The following MCTP1 variants were observed in gnomAD, a reference collection of about 807,000 sequenced individuals.
MCTP1 encodes multiple C2 and transmembrane domain containing 1.
MCTP1 carries 69 observed loss-of-function variants against 120.6 expected under a neutral mutation model. That is an observed-to-expected ratio of 0.57 (90% CI 0.47 to 0.70). The LOEUF is 0.70. Among genes scored for constraint, MCTP1 ranks in the 30% least tolerant of loss-of-function variants. The pLI is 0.00. For missense variants in MCTP1, 1,203 were observed against 1,248.8 expected, an observed-to-expected ratio of 0.96 and a Z score of 0.55; for synonymous variants, 529 against 493.1, an observed-to-expected ratio of 1.07 and a Z score of -0.96.
chr5:95,011,109 C>A (rs968904566), intron 2 of MCTP1, among the ~76,000 whole-genome samples: 1 of 152,114 alleles, frequency 6.6e-6, no homozygotes, highest in African/African-American at 2.4e-5. Flanking sequence ...CTCCATGTTT[C>A]CCCATTGTGA....
chr5:94,970,304 T>C (rs768041806), intron 2 of MCTP1, among the ~76,000 whole-genome samples: 1 of 152,022 alleles, frequency 6.6e-6, no homozygotes, highest in Non-Finnish European at 1.5e-5. Context: ...TGTATGGATG[T>C]ATTTGGGATA....
intron 10 of MCTP1, among the ~76,000 whole-genome samples, chr5:94,902,135 A>G (rs1453877200): frequency 2.0e-5 from 3 of 152,196 alleles, no homozygotes; most frequent in Non-Finnish European, 2.9e-5. Flanking sequence ...ACTAATCCTC[A>G]CAAAATGGAC....
intron 1 of MCTP1, among the ~76,000 whole-genome samples, chr5:95,042,220 C>G (rs1432165566): frequency 6.6e-6 from 1 of 152,032 alleles, no homozygotes; most frequent in Non-Finnish European, 1.5e-5. Flanking sequence ...ATTTATACAA[C>G]CAAAGCAAAT....
At chr5:95,234,601 C>T (rs769317265) in intron 1 of MCTP1, among the ~76,000 whole-genome samples, 1 of 152,100 alleles carries the variant, frequency 6.6e-6, no homozygotes, top group Non-Finnish European at 1.5e-5. Context: ...CTCCTGAAAC[C>T]TCATGTCTAC....
rs1323914628 is a variant in MCTP1 at position 94,954,159 on chromosome 5, CATATATATACATAT to C, written c.839-812_839-799del. Reference sequence around the variant, plus strand: ...ATGCATATATATACATATATATATGCATATATATACATATATATATATGCATATATATATATATA... The same window carrying C: ...ATGCATATATATACATATATATATGCATATATATGCATATATATATATATA... On this transcript the variant is annotated intron_variant, in intron 2 of 22. Transcript: ENST00000515393. 1.0e-3 allele frequency among the ~76,000 whole-genome samples: 81 copies of C among 78,288 alleles called. 10 individuals are homozygous for C. Among genetic ancestry groups the C allele is most frequent in the Non-Finnish European group, 1.7e-3 (69 of 41,060 alleles). 51.4% of individuals were successfully genotyped at this position (78,288 alleles called of 152,430 possible).
chr5:95,190,440 C>A (rs1362350790), intron 1 of MCTP1, among the ~76,000 whole-genome samples: 1 of 152,048 alleles, frequency 6.6e-6, no homozygotes, highest in East Asian at 1.9e-4. Context: ...AAACAATGCA[C>A]CACTATCTTT....
chr5:94,792,006 A>C (rs1156997507), intron 18 of MCTP1: 1 of 152,222 alleles, frequency 6.6e-6, no homozygotes, highest in African/African-American at 2.4e-5. Context: ...AGGATGATGC[A>C]CCCCATAAGA....
intron 8 of MCTP1, among the ~76,000 whole-genome samples, chr5:94,917,126 C>A: frequency 6.6e-6 from 1 of 152,110 alleles, no homozygotes; most frequent in East Asian, 1.9e-4. Flanking sequence ...TATTTTTTCT[C>A]CTAAATATAT....
At chr5:94,973,924 T>G (rs1266584425) in intron 2 of MCTP1, among the ~76,000 whole-genome samples, 1 of 152,044 alleles carries the variant, frequency 6.6e-6, no homozygotes, top group Non-Finnish European at 1.5e-5. Context: ...AAGTAGAAGA[T>G]GCACATAGAT....
chr5:94,883,910 T>C (rs1015123667), intron 12 of MCTP1, among the ~76,000 whole-genome samples: 4 of 152,212 alleles, frequency 2.6e-5, no homozygotes, highest in African/African-American at 9.6e-5. Context: ...GTCTATGTCA[T>C]GTATATGTGC....
At chr5:95,038,877 T>C (rs961003569) in intron 1 of MCTP1, among the ~76,000 whole-genome samples, 2 of 152,172 alleles carry the variant, frequency 1.3e-5, no homozygotes, top group Admixed American at 6.5e-5. Context: ...AAACTAACTT[T>C]ACTGCCTCAA....
rs1012883363 is a variant in MCTP1 at position 95,199,381 on chromosome 5, T to C, written c.720+84475A>G. ...ATCCAAAATATATAAAGGAACTCAA[T>C]AGCAAGAAAACAAACCAATTAAAAA... is the stretch of plus-strand genomic sequence containing the variant. On this transcript the variant is annotated intron_variant, in intron 1 of 22. Coordinates refer to ENST00000515393, the MANE Select transcript of MCTP1 (RefSeq NM_024717.7). Among the ~76,000 whole-genome samples, 4 of 152,166 alleles carry C rather than the reference T, an allele frequency of 2.6e-5. No individual in the cohort carries two copies. In the East Asian group the frequency reaches 5.8e-4, roughly 22 times the overall value.
chr5:95,158,408 TATG>T (rs1745355347), intron 1 of MCTP1, among the ~76,000 whole-genome samples: 1 of 152,012 alleles, frequency 6.6e-6, no homozygotes, highest in African/African-American at 2.4e-5. Flanking sequence ...AGATGGAAAA[TATG>T]ATAAAAATGG....
chr5:95,110,400 A>G (rs146028903), intron 1 of MCTP1, among the ~76,000 whole-genome samples: 63 of 152,104 alleles, frequency 4.1e-4, no homozygotes, highest in African/African-American at 1.5e-3. Flanking sequence ...TGTCTTCTCT[A>G]TTCTGTCTCT....
At chr5:94,939,440 A>C (rs1817010606) in intron 5 of MCTP1, among the ~76,000 whole-genome samples, 1 of 152,150 alleles carries the variant, frequency 6.6e-6, no homozygotes. Context: ...AAAGTACACT[A>C]GCAAGCGTAC....
At chr5:94,942,956 T>C (rs1164628460) in intron 3 of MCTP1, among the ~76,000 whole-genome samples, 1 of 152,106 alleles carries the variant, frequency 6.6e-6, no homozygotes, top group East Asian at 1.9e-4. Context: ...ATAATACTAA[T>C]ATACCTAACA....
At chr5:95,133,012 G>A (rs1233240406) in intron 1 of MCTP1, among the ~76,000 whole-genome samples, 1 of 152,102 alleles carries the variant, frequency 6.6e-6, no homozygotes, top group Non-Finnish European at 1.5e-5. Flanking sequence ...TTGTGACCAA[G>A]CTCTTTCATT....
intron 1 of MCTP1, among the ~76,000 whole-genome samples, chr5:95,096,973 A>G (rs1756316112): frequency 6.6e-6 from 1 of 152,176 alleles, no homozygotes; most frequent in African/African-American, 2.4e-5. Flanking sequence ...TTGCATTTTC[A>G]TGATGTTTAA....
At position 94,897,333 on chromosome 5, in the gene MCTP1, TAAAGTGCTGAAC is replaced by T. The variant is rs547499888; in HGVS notation, c.1653-2510_1653-2499del. 4.1e-3 allele frequency among the ~76,000 whole-genome samples: 616 copies of T among 151,194 alleles called. 2 individuals are homozygous for T. The highest frequency in any genetic ancestry group is 6.4e-3 in the Non-Finnish European group (434 of 67,796). ...AAGCAATCCACCTGGCTCGGCATTC[TAAAGTGCTGAAC>T]AAGCCACCACACCCAGCCCTGGACT... On this transcript the variant is annotated intron_variant, in intron 10 of 22. Coordinates refer to ENST00000515393, the MANE Select transcript of MCTP1 (RefSeq NM_024717.7).
Sources: allele counts gnomAD v4.1 joint callset (sites outside exome capture counted in the v4.1 genomes callset), GRCh38; gene constraint gnomAD v4.1.1; transcripts MANE v1.5; gene names NCBI Gene and HGNC (gene_info 2026-07-23, HGNC 2026-07-21).